Variants in RSU1 observed in about 807,000 individuals in gnomAD.
The protein encoded by RSU1 is Ras suppressor protein 1, also known as rsu-1.
In RSU1, 26 loss-of-function variants were observed where a neutral mutation model predicts 31.1. That is an observed-to-expected ratio of 0.84 (90% CI 0.61 to 1.16). RSU1 has a LOEUF of 1.16. RSU1 is among the 50% of genes most tolerant of loss of function. The pLI, the probability that RSU1 is intolerant of heterozygous loss-of-function variation, is 0.00. For missense variants in RSU1, 320 were observed against 339.1 expected, an observed-to-expected ratio of 0.94 and a Z score of 0.44; for synonymous variants, 164 against 136.3, an observed-to-expected ratio of 1.20 and a Z score of -1.41.
At chr10:16,712,494 G>A (rs934783376) in intron 7 of RSU1, among the ~76,000 whole-genome samples, 1 of 151,896 alleles carries the variant, frequency 6.6e-6, no homozygotes, top group Non-Finnish European at 1.5e-5. Context: ...TTATTCTGTC[G>A]TAATTTCTTT....
chr10:16,766,258 A>G (rs1404973386), intron 3 of RSU1, among the ~76,000 whole-genome samples: 1 of 152,244 alleles, frequency 6.6e-6, no homozygotes, highest in Non-Finnish European at 1.5e-5. Flanking sequence ...TAATCTAGAC[A>G]GCTCAAAGTT....
chr10:16,786,545 TGGGGTGGGGG>T (rs1332116433), intron 2 of RSU1, among the ~76,000 whole-genome samples: 1 of 151,988 alleles, frequency 6.6e-6, no homozygotes, highest in Admixed American at 6.6e-5. Context: ...CTCATTACTT[TGGGGTGGGGG>T]GGAGTCAGGT....
chr10:16,810,668 G>A (rs7076779), intron 2 of RSU1, among the ~76,000 whole-genome samples: 30,700 of 152,002 alleles, frequency 0.2, 3,575 homozygotes, highest in African/African-American at 0.32. Flanking sequence ...CATCACCAAC[G>A]TTTCCAAGAA....
At chr10:16,782,201 G>A (rs369751791) in intron 2 of RSU1, 117 bp from the exon 3 acceptor site, 4 of 723,016 alleles carry the variant, frequency 5.5e-6, no homozygotes, top group South Asian at 1.8e-5. Context: ...AAGCACTATC[G>A]CTCACCAAAA....
chr10:16,734,784 C>T (rs1836590800), intron 7 of RSU1, among the ~76,000 whole-genome samples: 1 of 152,100 alleles, frequency 6.6e-6, no homozygotes, highest in Non-Finnish European at 1.5e-5. Context: ...GGGCTGAATT[C>T]CATCCTAACC....
chr10:16,811,752 T>C (rs778595148), intron 2 of RSU1, among the ~76,000 whole-genome samples: 12 of 152,252 alleles, frequency 7.9e-5, no homozygotes, highest in Non-Finnish European at 1.5e-4. Flanking sequence ...CTCTGGAAAC[T>C]GCGGAGAAGC....
intron 7 of RSU1, among the ~76,000 whole-genome samples, chr10:16,719,980 C>A (rs375931177): frequency 7.9e-5 from 12 of 152,270 alleles, no homozygotes; most frequent in African/African-American, 2.4e-4. Flanking sequence ...AGGTGCTTTG[C>A]AGCCAAGGAA....
At chr10:16,707,661 T>C (rs1835934502) in intron 7 of RSU1, among the ~76,000 whole-genome samples, 1 of 152,090 alleles carries the variant, frequency 6.6e-6, no homozygotes. Context: ...CTCTCATTCT[T>C]TAGGTGCCTC....
intron 2 of RSU1, among the ~76,000 whole-genome samples, chr10:16,813,737 G>A (rs1273315421): frequency 1.3e-5 from 2 of 152,142 alleles, no homozygotes; most frequent in East Asian, 3.8e-4. Context: ...TGCCTCTCAT[G>A]GTAGGAAGTG....
intron 8 of RSU1, among the ~76,000 whole-genome samples, chr10:16,674,821 T>C (rs991494691): frequency 6.6e-6 from 1 of 151,838 alleles, no homozygotes; most frequent in Non-Finnish European, 1.5e-5. Flanking sequence ...CACTTGAGAC[T>C]CAGGAGTTCG....
chr10:16,750,853 C>A (rs935732825), intron 7 of RSU1, among the ~76,000 whole-genome samples: 4 of 149,552 alleles, frequency 2.7e-5, no homozygotes, highest in Non-Finnish European at 4.4e-5. Context: ...AACCACTGTA[C>A]AAGATCTCTC....
intron 2 of RSU1, among the ~76,000 whole-genome samples, chr10:16,809,878 A>G (rs1465732494): frequency 1.3e-5 from 2 of 152,138 alleles, no homozygotes; most frequent in Non-Finnish European, 2.9e-5. Flanking sequence ...TAGACACCTT[A>G]TAGTCATCTT....
intron 3 of RSU1, among the ~76,000 whole-genome samples, chr10:16,768,440 G>C (rs1326184728): frequency 6.6e-6 from 1 of 152,202 alleles, no homozygotes; most frequent in Non-Finnish European, 1.5e-5. Flanking sequence ...CCTAGCCAAA[G>C]ATGGCTGCTT....
At chr10:16,671,824 C>T (rs1835110701) in intron 8 of RSU1, among the ~76,000 whole-genome samples, 3 of 151,196 alleles carry the variant, frequency 2.0e-5, no homozygotes, top group South Asian at 4.3e-4. Context: ...GATGGGGTTT[C>T]ACCATGTTGT....
At chr10:16,706,526 C>G (rs752167484) in intron 7 of RSU1, among the ~76,000 whole-genome samples, 1 of 152,124 alleles carries the variant, frequency 6.6e-6, no homozygotes, top group Non-Finnish European at 1.5e-5. Flanking sequence ...ATACAATTTA[C>G]AAATATTTTC....
At chr10:16,778,449 T>G (rs1318192228) in intron 3 of RSU1, among the ~76,000 whole-genome samples, 1 of 152,148 alleles carries the variant, frequency 6.6e-6, no homozygotes, top group Non-Finnish European at 1.5e-5. Flanking sequence ...TACAGGTAAT[T>G]ACTGCGAAGC....
chr10:16,600,291 C>T (rs1833696104), intron 8 of RSU1, among the ~76,000 whole-genome samples: 1 of 152,112 alleles, frequency 6.6e-6, no homozygotes, highest in Non-Finnish European at 1.5e-5. Flanking sequence ...ACCCCAGGAA[C>T]CCCTGCTGAA....
intron 8 of RSU1, among the ~76,000 whole-genome samples, chr10:16,614,075 A>G (rs777223045): frequency 3.3e-5 from 5 of 152,204 alleles, no homozygotes; most frequent in African/African-American, 4.8e-5. Flanking sequence ...TAGTGCTGAG[A>G]TGAGCTATAT....
At chr10:16,815,274 C>T (rs1262674431) in intron 2 of RSU1, among the ~76,000 whole-genome samples, 1 of 152,206 alleles carries the variant, frequency 6.6e-6, no homozygotes, top group African/African-American at 2.4e-5. Flanking sequence ...TTTAATGGCA[C>T]GTATTTTCAT....
Sources: gnomAD v4.1 joint callset for allele counts (sites outside exome capture counted in the v4.1 genomes callset) on GRCh38, gnomAD v4.1.1 for gene constraint, MANE v1.5 for transcripts, NCBI Gene and HGNC (gene_info 2026-07-23, HGNC 2026-07-21) for gene names.